The following TMCO4 variants were observed in gnomAD, a reference collection of about 807,000 sequenced individuals.
TMCO4 encodes transmembrane and coiled-coil domains 4.
TMCO4 carries 58 observed loss-of-function variants against 64.7 expected under a neutral mutation model. The observed-to-expected ratio is 0.90, with a 90% CI of 0.73 to 1.12. The LOEUF (loss-of-function observed/expected upper bound fraction) is 1.12. TMCO4 is among the 50% of genes most tolerant of loss of function. The probability of loss-of-function intolerance (pLI) is 0.00; values close to 1 mark genes in which losing one functional copy is unlikely to be tolerated. For synonymous variants in TMCO4, 325 were observed against 346.1 expected (o/e 0.94, Z 0.68); for missense variants, 780 against 825.9 (o/e 0.94, Z 0.68).
At chr1:19,780,130 A>T (rs1286421056) in intron 4 of TMCO4, among the ~76,000 whole-genome samples, 1 of 152,158 alleles carries the variant, frequency 6.6e-6, no homozygotes, top group African/African-American at 2.4e-5. Context: ...TCTCATAAGA[A>T]GCGTGCCACC....
rs1264796431 is a variant in TMCO4 at position 19,797,781 on chromosome 1, T to A, written c.-101+356A>T. Among the ~76,000 whole-genome samples, 3 of 150,814 alleles carry A rather than the reference T, an allele frequency of 2.0e-5. 1 individual carries two copies. The highest frequency in any genetic ancestry group is 2.0e-4 in the Admixed American group (3 of 15,098). ...TGGAAGCCTGAGGCAGGAGAACCGC[T>A]TGAACCTGGGAGGCGGAGGTTGCAG... On this transcript the variant is annotated intron_variant, in intron 2 of 15. Transcript: ENST00000294543.
chr1:19,792,233 C>A (rs374622522), intron 2 of TMCO4, among the ~76,000 whole-genome samples: 198 of 152,296 alleles, frequency 1.3e-3, no homozygotes, highest in Admixed American at 3.5e-3. Context: ...GAAGAGGATG[C>A]GATCTCCAGG....
chr1:19,798,724 C>T (rs544950173), intron 1 of TMCO4, among the ~76,000 whole-genome samples: 2 of 152,318 alleles, frequency 1.3e-5, no homozygotes, highest in Admixed American at 1.3e-4. Context: ...CTCCCCTGTG[C>T]CCAGCCCTCC....
Position 19,682,818 on chromosome 1 carries a change from G to A in TMCO4, c.*222C>T. 1 of 733,970 alleles carries A rather than the reference G, an allele frequency of 1.4e-6. No homozygotes were observed. The highest frequency in any genetic ancestry group is 2.5e-6 in the Non-Finnish European group (1 of 406,434). The allele number at this position is 733,970 out of a possible 1,614,324, so 45.5% of individuals were successfully genotyped here. A position where few individuals can be genotyped will look rare whatever the true frequency, so the allele number is the denominator to read the frequency against. On this transcript the variant is annotated 3_prime_UTR_variant, in exon 16 of 16. Coordinates refer to ENST00000294543, the MANE Select transcript of TMCO4 (RefSeq NM_181719.7). ...CTGATGAGGGGGCAGCTGCTCCCTG[G>A]TGGGGCTCCTCTGGGGACAGGCAGC...
Position 19,746,600 on chromosome 1 carries a change from C to T in TMCO4, c.614-1G>A, listed in dbSNP as rs1406567883. 2 of 1,601,668 alleles carry T rather than the reference C, an allele frequency of 1.2e-6. No individual in the cohort carries two copies. The highest frequency in any genetic ancestry group is 1.7e-6 in the Non-Finnish European group (2 of 1,171,206). On this transcript the variant is annotated splice_acceptor_variant, in intron 8 of 15. Transcript: ENST00000294543. LOFTEE classifies it high-confidence loss of function. ...GGTGCAGCTAGACCTCCAGTCACAC[C>T]TGTGGGAAAAGCAGCAGTTTCAGGT...
In TMCO4 at chr1:19,796,825, G is replaced by A. The variant is rs2101171280; in HGVS notation, c.-101+1312C>T. The stretch of plus-strand genomic sequence containing the variant: ...CTTGACCTCGTAATCTGCCCTCCTT[G>A]GCCTCCCAAAATGCTGGGATTACAG... On this transcript the variant is annotated intron_variant, in intron 2 of 15. Transcript: ENST00000294543. Among the ~76,000 whole-genome samples the A allele has an allele frequency of 2.0e-5, 3 of 152,160 alleles. No homozygotes were observed. The South Asian group carries it at 6.2e-4, about 32-fold the overall frequency.
chr1:19,722,971 G>A (rs780638307), intron 13 of TMCO4, among the ~76,000 whole-genome samples: 14 of 152,076 alleles, frequency 9.2e-5, no homozygotes, highest in Admixed American at 3.3e-4. Flanking sequence ...TTAGTCAAGC[G>A]TGAGGACACT....
intron 2 of TMCO4, among the ~76,000 whole-genome samples, chr1:19,791,839 C>T (rs990184772): frequency 4.6e-5 from 7 of 152,156 alleles, no homozygotes; most frequent in Non-Finnish European, 1.0e-4. Flanking sequence ...GTGAAGACAC[C>T]AAATGATATA....
rs991731512 is a variant in TMCO4, at chr1:19,718,249, C to T, written c.1265-17364G>A. On this transcript the variant is annotated intron_variant, in intron 13 of 15. Transcript: ENST00000294543. ...ACTTGAGAGGCTGAGGCAGGAGAAT[C>T]GCTTGAACTCAGGAGGCGGAGGTTG... Among the ~76,000 whole-genome samples, 82 of 151,972 alleles carry T rather than the reference C, an allele frequency of 5.4e-4. 2 individuals carry two copies. Among genetic ancestry groups the T allele is most frequent in the Non-Finnish European group, 1.9e-4 (13 of 67,990 alleles).
intron 6 of TMCO4, among the ~76,000 whole-genome samples, chr1:19,766,232 CA>C (rs1255430003): frequency 1.3e-5 from 2 of 152,170 alleles, no homozygotes; most frequent in African/African-American, 2.4e-5. Context: ...TGCTGGGATG[CA>C]AAGGTAAACA....
In TMCO4 at chr1:19,683,297, C is replaced by T. The variant is rs41312012; in HGVS notation, c.1648G>A (p.Ala550Thr). Reference protein sequence around the residue: ...SEEPRQAAAAASSGETPHQVG... With the variant: ...SEEPRQAAAATSSGETPHQVG... ...TGGTGGGGGGTCTCGCCTGATGAGG[C>T]GGCAGCTGCTGCCTGGCGAGGCTCC... Residue 550 changes from alanine (A) to threonine (T), a missense_variant, in exon 16 of 16, where the codon GCC becomes ACC. Ala to Thr is a moderately conservative substitution (Grantham distance 58, BLOSUM62 0). Transcript: ENST00000294543. The T allele has an allele frequency of 0.013, 20,258 of 1,613,990 alleles. 169 individuals carry two copies. The highest frequency in any genetic ancestry group is 0.029 in the Middle Eastern group (178 of 6,062).
chr1:19,698,064 G>C (rs2095248398), intron 14 of TMCO4, among the ~76,000 whole-genome samples: 1 of 152,144 alleles, frequency 6.6e-6, no homozygotes, highest in Admixed American at 6.5e-5. Flanking sequence ...CCTGTATCCT[G>C]AGCTGAACCG....
chr1:19,785,069 C>G (rs1407144555), intron 3 of TMCO4, among the ~76,000 whole-genome samples: 2 of 152,198 alleles, frequency 1.3e-5, no homozygotes, highest in Non-Finnish European at 2.9e-5. Context: ...TACAGCCACA[C>G]TGGCTGTCTT....
At chr1:19,699,482 T>TATAC (rs925120483) in intron 14 of TMCO4, among the ~76,000 whole-genome samples, 3 of 116,896 alleles carry the variant, frequency 2.6e-5, no homozygotes, top group African/African-American at 3.8e-5. Flanking sequence ...ATCTTTTTCA[T>TATAC]ATACATATAT....
At chr1:19,765,828 T>A (rs1010110374) in intron 6 of TMCO4, among the ~76,000 whole-genome samples, 4 of 152,130 alleles carry the variant, frequency 2.6e-5, no homozygotes, top group Admixed American at 2.0e-4. Context: ...GAAATGCAGC[T>A]TTTCATGCTA....
intron 6 of TMCO4, among the ~76,000 whole-genome samples, chr1:19,756,212 G>A (rs1392389184): frequency 6.6e-6 from 1 of 152,126 alleles, no homozygotes; most frequent in Non-Finnish European, 1.5e-5. Context: ...TCATGTCACT[G>A]CACTCTAGCC....
chr1:19,740,952 C>G lies in TMCO4; in HGVS notation c.878-11G>C. 1 of 1,591,186 alleles carries G rather than the reference C, an allele frequency of 6.3e-7. No individual in the cohort carries two copies. The highest frequency in any genetic ancestry group is 8.6e-7 in the Non-Finnish European group (1 of 1,168,388). ...GGGCACTGAAGGTGCCTGGGGAGAT[C>G]ACAGGTAGGTGAAGTCTCTCTTGTC... On this transcript the variant is annotated splice_polypyrimidine_tract_variant and intron_variant, in intron 10 of 15. Coordinates refer to ENST00000294543, the MANE Select transcript of TMCO4 (RefSeq NM_181719.7).
At chr1:19,784,569 C>G (rs2043639019) in intron 3 of TMCO4, among the ~76,000 whole-genome samples, 1 of 152,014 alleles carries the variant, frequency 6.6e-6, no homozygotes, top group South Asian at 2.1e-4. Flanking sequence ...AAACTCAGAC[C>G]AAATTCATTC....
chr1:19,757,740 C>G (rs748450344), intron 6 of TMCO4, among the ~76,000 whole-genome samples: 1 of 152,180 alleles, frequency 6.6e-6, no homozygotes, highest in Non-Finnish European at 1.5e-5. Context: ...AGACTGTAAG[C>G]TTAGTCATCT....
Sources: allele counts gnomAD v4.1 joint callset (sites outside exome capture counted in the v4.1 genomes callset), GRCh38; gene constraint gnomAD v4.1.1; transcripts MANE v1.5; gene names NCBI Gene and HGNC (gene_info 2026-07-23, HGNC 2026-07-21).